MARCHF3: variants seen among roughly 807,000 people sequenced by gnomAD.
MARCHF3 encodes membrane associated ring-CH-type finger 3.
Under a neutral mutation model 24.2 loss-of-function variants are expected in MARCHF3, and 13 were observed. The ratio of observed to expected loss-of-function variants is 0.54; its 90% CI spans 0.35 to 0.85. The LOEUF is 0.85. Ranked by LOEUF, MARCHF3 falls within the 40% of genes least tolerant of loss-of-function variation. The pLI is 0.01. For synonymous variants in MARCHF3, 144 were observed against 137.3 expected (o/e 1.05, Z -0.34); for missense variants, 276 against 325.0 (o/e 0.85, Z 1.16).
At chr5:126,902,664 A>G (rs1293927684) in intron 3 of MARCHF3, among the ~76,000 whole-genome samples, 1 of 152,102 alleles carries the variant, frequency 6.6e-6, no homozygotes, top group Non-Finnish European at 1.5e-5. Context: ...TTGCTTTTTT[A>G]ATGAAGTGAT....
At chr5:127,011,274 C>T (rs1752462487) in intron 1 of MARCHF3, among the ~76,000 whole-genome samples, 1 of 152,184 alleles carries the variant, frequency 6.6e-6, no homozygotes, top group African/African-American at 2.4e-5. Context: ...CTGTGAAGGA[C>T]TAATGCTGGA....
intron 1 of MARCHF3, among the ~76,000 whole-genome samples, chr5:127,005,529 T>G (rs1421390638): frequency 6.6e-6 from 1 of 151,656 alleles, no homozygotes; most frequent in Non-Finnish European, 1.5e-5. Flanking sequence ...ATCCAGGGGG[T>G]TTTATCAGAG....
chr5:126,974,925 A>G (rs1182460198), intron 1 of MARCHF3, among the ~76,000 whole-genome samples: 1 of 152,198 alleles, frequency 6.6e-6, no homozygotes, highest in Non-Finnish European at 1.5e-5. Context: ...TCTGAAATCT[A>G]TATTTAAAGT....
chr5:126,950,570 G>A (rs1383619231), intron 1 of MARCHF3, among the ~76,000 whole-genome samples: 2 of 152,012 alleles, frequency 1.3e-5, no homozygotes, highest in Non-Finnish European at 2.9e-5. Context: ...CTATCACAAA[G>A]GAACCACTGG....
Position 126,916,684 on chromosome 5 carries a change from G to GACACACACACAC in MARCHF3, c.188+1299_188+1300insGTGTGTGTGTGT, listed in dbSNP as rs1409013068. 2.6e-3 allele frequency among the ~76,000 whole-genome samples: 241 copies of GACACACACACAC among 93,428 alleles called. 3 individuals are homozygous for GACACACACACAC. Among genetic ancestry groups the GACACACACACAC allele is most frequent in the African/African-American group, 0.011 (231 of 21,288 alleles). 61.3% of individuals were successfully genotyped at this position (93,428 alleles called of 152,430 possible). A position where few individuals can be genotyped will look rare whatever the true frequency, so the allele number is the denominator to read the frequency against. ...AGCAGGTAAAAATACCTGACAGACA[G>GACACACACACAC]ACAGACAGACACACACACACACACA... is the stretch of plus-strand genomic sequence containing the variant. On this transcript the variant is annotated intron_variant, in intron 2 of 4. Transcript: ENST00000308660.
chr5:126,977,789 C>A (rs1331039808), intron 1 of MARCHF3, among the ~76,000 whole-genome samples: 1 of 152,232 alleles, frequency 6.6e-6, no homozygotes, highest in African/African-American at 2.4e-5. Context: ...CAAGGCAACA[C>A]TATTCGGCCA....
intron 1 of MARCHF3, among the ~76,000 whole-genome samples, chr5:126,997,763 G>T (rs913658833): frequency 3.3e-5 from 5 of 152,144 alleles, no homozygotes; most frequent in African/African-American, 1.2e-4. Context: ...AATTACATTA[G>T]ATAAATAATA....
chr5:126,964,542 A>G (rs1031664110), intron 1 of MARCHF3, among the ~76,000 whole-genome samples: 1 of 152,194 alleles, frequency 6.6e-6, no homozygotes, highest in African/African-American at 2.4e-5. Context: ...CTTATGGTAC[A>G]TGCCTTTGGT....
At chr5:127,008,545 G>A (rs1364299904) in intron 1 of MARCHF3, among the ~76,000 whole-genome samples, 1 of 152,208 alleles carries the variant, frequency 6.6e-6, no homozygotes, top group African/African-American at 2.4e-5. Flanking sequence ...GCTGCAAATG[G>A]GAGGGATACG....
chr5:126,974,949 C>CT (rs1561454796), intron 1 of MARCHF3, among the ~76,000 whole-genome samples: 2 of 152,106 alleles, frequency 1.3e-5, no homozygotes, highest in South Asian at 4.1e-4. Flanking sequence ...ATATAACATT[C>CT]TTTTTTTCAA....
At chr5:126,894,804 C>T (rs971047246) in intron 3 of MARCHF3, among the ~76,000 whole-genome samples, 8 of 151,832 alleles carry the variant, frequency 5.3e-5, no homozygotes, top group East Asian at 1.9e-4. Context: ...TTGCTCTTCT[C>T]GAGGAGTATC....
chr5:126,982,978 A>G (rs1245800485), intron 1 of MARCHF3, among the ~76,000 whole-genome samples: 1 of 152,206 alleles, frequency 6.6e-6, no homozygotes, highest in African/African-American at 2.4e-5. Flanking sequence ...TAATCCTGAC[A>G]TAGGTGCACA....
chr5:126,952,923 T>A (rs1044328118), intron 1 of MARCHF3, among the ~76,000 whole-genome samples: 1 of 152,278 alleles, frequency 6.6e-6, no homozygotes, highest in South Asian at 2.1e-4. Flanking sequence ...ACAAAGAACA[T>A]TTCAATATTA....
At chr5:126,990,648 T>C (rs184110228) in intron 1 of MARCHF3, among the ~76,000 whole-genome samples, 5 of 152,118 alleles carry the variant, frequency 3.3e-5, no homozygotes, top group African/African-American at 9.7e-5. Flanking sequence ...AATCTATCCA[T>C]CTGACAAAGG....
chr5:126,877,939 G>C (rs1276818708), intron 4 of MARCHF3, among the ~76,000 whole-genome samples: 1 of 152,142 alleles, frequency 6.6e-6, no homozygotes. Flanking sequence ...CTGTGTCTTT[G>C]ACTGATGGAC....
At position 126,921,753 on chromosome 5, in the gene MARCHF3, G is replaced by A. The variant is rs145505209; in HGVS notation, c.-56-3526C>T. On this transcript the variant is annotated intron_variant, in intron 1 of 4. Coordinates refer to ENST00000308660, the MANE Select transcript of MARCHF3 (RefSeq NM_178450.5). ...AAACTTAAAACATCAAACGGCACTGGTGGGATGGGTCCTTTGCTGGCCAGG... is the reference window on the plus strand; with the variant it reads ...AAACTTAAAACATCAAACGGCACTGATGGGATGGGTCCTTTGCTGGCCAGG... Among the ~76,000 whole-genome samples, 324 of 152,302 alleles carry A rather than the reference G, an allele frequency of 2.1e-3. 6 individuals carry two copies. The highest frequency in any genetic ancestry group is 2.9e-3 in the Admixed American group (44 of 15,308).
At chr5:126,915,161 G>T in intron 2 of MARCHF3, 27 bp from the exon 3 acceptor site, 1 of 1,607,762 alleles carries the variant, frequency 6.2e-7, no homozygotes, top group South Asian at 1.1e-5. Context: ...GGCACCTGCT[G>T]GTCACTGGGC....
At chr5:127,030,158 T>A (rs113708755) in intron 1 of MARCHF3, 192 bp downstream of exon 1, 1 of 151,422 alleles carries the variant, frequency 6.6e-6, no homozygotes, top group East Asian at 1.9e-4. Context: ...CCGGGCGGAG[T>A]TGGGATGCTT....
At chr5:126,952,115 G>T (rs888869605) in intron 1 of MARCHF3, among the ~76,000 whole-genome samples, 1 of 152,144 alleles carries the variant, frequency 6.6e-6, no homozygotes, top group Non-Finnish European at 1.5e-5. Flanking sequence ...CCAAAGTGCT[G>T]GGACTACAGA....
Sources: allele counts gnomAD v4.1 joint callset (sites outside exome capture counted in the v4.1 genomes callset), GRCh38; gene constraint gnomAD v4.1.1; transcripts MANE v1.5; gene names NCBI Gene and HGNC (gene_info 2026-07-23, HGNC 2026-07-21).